Variants in TINAG observed in about 807,000 individuals in gnomAD.
The protein encoded by TINAG is tubulointerstitial nephritis antigen.
A neutral mutation model predicts 72.7 loss-of-function variants in TINAG; 83 were observed. The observed-to-expected ratio is 1.14, with a 90% CI of 0.96 to 1.37. TINAG has a LOEUF of 1.37. Ranked by LOEUF, TINAG falls within the 40% of genes most tolerant of loss-of-function variation. The probability of loss-of-function intolerance (pLI) is 0.00; values close to 1 mark genes in which losing one functional copy is unlikely to be tolerated. For synonymous variants in TINAG, 234 were observed against 189.9 expected, an observed-to-expected ratio of 1.23 and a Z score of -1.91; for missense variants, 685 against 576.6, an observed-to-expected ratio of 1.19 and a Z score of -1.93.
At chr6:54,366,328 G>C (rs1763416559) in intron 9 of TINAG, among the ~76,000 whole-genome samples, 1 of 151,002 alleles carries the variant, frequency 6.6e-6, no homozygotes, top group South Asian at 2.1e-4. Context: ...TTGCCTCTTA[G>C]GTTTTCTCAA....
rs767424046 is a variant in TINAG at position 54,360,828 on chromosome 6, T to C, written c.1250+6192T>C. Among the ~76,000 whole-genome samples, 6 of 147,344 alleles carry C rather than the reference T, an allele frequency of 4.1e-5. No homozygotes were observed. In the Admixed American group the frequency reaches 4.2e-4, roughly 10 times the overall value. The stretch of plus-strand genomic sequence containing the variant: ...TTATTGTGCTTTGGTTTCTTGTGTT[T>C]CACAGATACTGTGTTTTTTTTTTTT... On this transcript the variant is annotated intron_variant, in intron 9 of 10. Coordinates refer to ENST00000259782, the MANE Select transcript of TINAG (RefSeq NM_014464.4).
At chr6:54,331,709 C>T (rs771196414) in intron 4 of TINAG, among the ~76,000 whole-genome samples, 7 of 152,098 alleles carry the variant, frequency 4.6e-5, no homozygotes, top group African/African-American at 1.2e-4. Flanking sequence ...TTTAGAAAAC[C>T]GCATTGTTTC....
In TINAG at chr6:54,326,786, C is replaced by G. The variant is rs762971946; in HGVS notation, c.510-16C>G. The G allele has an allele frequency of 6.4e-7, 1 of 1,557,862 alleles. No individual in the cohort carries two copies. Reference sequence around the variant, plus strand: ...TGTATATATTTTTCTATATTTTTCTCTCATTTGTAAGGCAGATGGACAGCA... The same window carrying G: ...TGTATATATTTTTCTATATTTTTCTGTCATTTGTAAGGCAGATGGACAGCA... On this transcript the variant is annotated splice_polypyrimidine_tract_variant and intron_variant, in intron 3 of 10. Coordinates refer to ENST00000259782, the MANE Select transcript of TINAG (RefSeq NM_014464.4).
intron 3 of TINAG, among the ~76,000 whole-genome samples, chr6:54,322,558 G>A (rs1445541757): frequency 1.3e-5 from 2 of 152,300 alleles, no homozygotes; most frequent in Middle Eastern, 3.4e-3. Flanking sequence ...ATCTGGAGAA[G>A]TATTTTTATA....
chr6:54,351,348 C>A lies in TINAG; in HGVS notation c.1081-4C>A, dbSNP rs749757504. 1 of 1,608,316 alleles carries A rather than the reference C, an allele frequency of 6.2e-7. No individual in the cohort carries two copies. Among genetic ancestry groups the A allele is most frequent in the Non-Finnish European group, 8.5e-7 (1 of 1,176,436 alleles). The stretch of plus-strand genomic sequence containing the variant: ...ATATTGCTTATTCATATTTTTCCAT[C>A]CAGGAAACTGAGATAATGAAAGAAA... On this transcript the variant is annotated splice_polypyrimidine_tract_variant and splice_region_variant and intron_variant, in intron 7 of 10. Transcript: ENST00000259782.
intron 4 of TINAG, among the ~76,000 whole-genome samples, chr6:54,329,575 A>G (rs921374668): frequency 3.9e-5 from 6 of 152,182 alleles, no homozygotes; most frequent in Admixed American, 3.9e-4. Context: ...CTAAGGGGAA[A>G]AATAACAGCT....
chr6:54,348,341 T>C (rs773453832), intron 6 of TINAG, among the ~76,000 whole-genome samples: 5 of 152,160 alleles, frequency 3.3e-5, no homozygotes, highest in Admixed American at 2.0e-4. Flanking sequence ...AGTGCTTGGT[T>C]GGCTTGCATT....
chr6:54,385,134 G>C (rs530103345), intron 10 of TINAG, among the ~76,000 whole-genome samples: 2 of 151,578 alleles, frequency 1.3e-5, no homozygotes, highest in East Asian at 3.9e-4. Context: ...TTAAACCGAA[G>C]ATAAATGAAA....
intron 10 of TINAG, among the ~76,000 whole-genome samples, chr6:54,388,177 TA>T (rs2150987096): frequency 6.6e-6 from 1 of 152,302 alleles, no homozygotes; most frequent in South Asian, 2.1e-4. Context: ...TGACTAATTT[TA>T]TTTGATATAT....
At chr6:54,349,998 C>G (rs1785226139) in intron 7 of TINAG, 102 bp downstream of exon 7, 1 of 701,118 alleles carries the variant, frequency 1.4e-6, no homozygotes. Flanking sequence ...CTATTATATT[C>G]TAAAATAAAT....
chr6:54,382,194 A>G (rs1252805947), intron 10 of TINAG, among the ~76,000 whole-genome samples: 2 of 152,110 alleles, frequency 1.3e-5, no homozygotes, highest in African/African-American at 4.8e-5. Flanking sequence ...TCTTTCTGCT[A>G]TGATTTGTTT....
chr6:54,371,720 A>G (rs940540590), intron 9 of TINAG, among the ~76,000 whole-genome samples: 13 of 152,130 alleles, frequency 8.5e-5, no homozygotes, highest in African/African-American at 3.1e-4. Context: ...ATGTGATTCT[A>G]TTTGTTTAAG....
intron 4 of TINAG, among the ~76,000 whole-genome samples, chr6:54,341,938 A>C (rs147189373): frequency 9.2e-5 from 14 of 152,276 alleles, no homozygotes; most frequent in African/African-American, 3.1e-4. Flanking sequence ...CATTCATAAA[A>C]AATAGCTAAT....
At chr6:54,379,166 G>C (rs967364943) in intron 9 of TINAG, among the ~76,000 whole-genome samples, 1 of 152,062 alleles carries the variant, frequency 6.6e-6, no homozygotes, top group Non-Finnish European at 1.5e-5. Context: ...GGTAATACAC[G>C]GGCAGAATTA....
chr6:54,349,164 T>A (rs1225364360), intron 6 of TINAG, among the ~76,000 whole-genome samples: 1 of 151,836 alleles, frequency 6.6e-6, no homozygotes, highest in African/African-American at 2.4e-5. Context: ...TATTATACTA[T>A]TTCCCTCAAA....
intron 9 of TINAG, among the ~76,000 whole-genome samples, chr6:54,371,746 G>T (rs1562180528): frequency 1.3e-5 from 2 of 151,826 alleles, no homozygotes; most frequent in Non-Finnish European, 1.5e-5. Context: ...CACATAAGTG[G>T]TAGGAATTTG....
intron 10 of TINAG, among the ~76,000 whole-genome samples, chr6:54,381,841 A>C (rs955396496): frequency 7.9e-5 from 12 of 152,088 alleles, no homozygotes; most frequent in Admixed American, 1.3e-4. Context: ...AAGTTCTTTG[A>C]TTAATGTATT....
At chr6:54,327,949 G>A (rs1784647241) in intron 4 of TINAG, among the ~76,000 whole-genome samples, 1 of 152,182 alleles carries the variant, frequency 6.6e-6, no homozygotes, top group African/African-American at 2.4e-5. Flanking sequence ...ATCTTTGAAA[G>A]AAAGGCAGCA....
chr6:54,317,042 T>G (rs923708921), intron 1 of TINAG, among the ~76,000 whole-genome samples: 3 of 152,130 alleles, frequency 2.0e-5, no homozygotes, highest in African/African-American at 7.2e-5. Context: ...TAACTCACTC[T>G]GAGGAGCTCC....
Sources: gnomAD v4.1 joint callset for allele counts (sites outside exome capture counted in the v4.1 genomes callset) on GRCh38, gnomAD v4.1.1 for gene constraint, MANE v1.5 for transcripts, NCBI Gene and HGNC (gene_info 2026-07-23, HGNC 2026-07-21) for gene names.